Variants in KMT2D observed in about 807,000 individuals in gnomAD.
The protein encoded by KMT2D is histone-lysine N-methyltransferase 2D.
In KMT2D, 55 loss-of-function variants were observed where a neutral mutation model predicts 512.7. That is an observed-to-expected ratio of 0.11 (90% CI 0.09 to 0.13). The LOEUF (loss-of-function observed/expected upper bound fraction) is 0.13, where lower values mean the gene tolerates loss of function less well. Among genes scored for constraint, KMT2D ranks in the 10% least tolerant of loss-of-function variants. KMT2D has a pLI of 1.00. For synonymous variants in KMT2D, 2,995 were observed against 2,904.0 expected, an observed-to-expected ratio of 1.03 and a Z score of -1.01; for missense variants, 6,061 against 7,127.9, an observed-to-expected ratio of 0.85 and a Z score of 5.39.
chr12:49,032,461 G>A lies in KMT2D; in HGVS notation c.12244C>T (p.Pro4082Ser). 1.3e-6 allele frequency: 2 copies of A among 1,567,788 alleles called. No individual in the cohort carries two copies. Among genetic ancestry groups the A allele is most frequent in the East Asian group, 2.4e-5 (1 of 41,916 alleles). Reference sequence around the variant, plus strand: ...TGCAGAGAGCTGGGCTGAGGCTGGGGCTGGGGTTGGACAAGCAGGAGTTGT... The same window carrying A: ...TGCAGAGAGCTGGGCTGAGGCTGGGACTGGGGTTGGACAAGCAGGAGTTGT... Reference protein sequence around the residue: ...DSQLLLVQPQPQPQPSSLQLQ... With the variant: ...DSQLLLVQPQSQPQPSSLQLQ... The change falls in exon 40 of 55, where the codon CCC becomes TCC. Residue 4082 changes from proline (P) to serine (S), a missense_variant. Coordinates refer to ENST00000301067, the MANE Select transcript of KMT2D (RefSeq NM_003482.4).
rs1204016242 is a variant in KMT2D, at chr12:49,059,984, G to A, written c.-409C>T. On this transcript the variant is annotated 5_prime_UTR_variant, in exon 1 of 55. Transcript: ENST00000301067. ...CCAGCGCCCCGGCCGCCCGCGCCGG[G>A]CTCGGGCGGAACGTCGAGGCTCTCC... 1.3e-5 allele frequency among the ~76,000 whole-genome samples: 2 copies of A among 151,660 alleles called. No homozygotes were observed. Among genetic ancestry groups the A allele is most frequent in the African/African-American group, 4.8e-5 (2 of 41,334 alleles).
rs1447079073 is a variant in KMT2D at position 49,033,482 on chromosome 12, T to G, written c.11223A>C (p.Gln3741His). Residue 3741 changes from glutamine to histidine, a missense_variant, in exon 40 of 55, where the codon CAA becomes CAC. Coordinates refer to ENST00000301067, the MANE Select transcript of KMT2D (RefSeq NM_003482.4). The part of the protein sequence containing the change: ...AQKLQQQQQQ[Q>H]QQQQHLLGQV... ...GTCCTAGAAGGTGCTGCTGCTGCTGTTGCTGCTGCTGCTGCTGCTGCAGTT... is the reference window on the plus strand; with the variant it reads ...GTCCTAGAAGGTGCTGCTGCTGCTGGTGCTGCTGCTGCTGCTGCTGCAGTT... The G allele has an allele frequency of 6.2e-7, 1 of 1,611,326 alleles. No individual in the cohort carries two copies. The highest frequency in any genetic ancestry group is 8.5e-7 in the Non-Finnish European group (1 of 1,178,768).
At position 49,034,334 on chromosome 12, in the gene KMT2D, AG is replaced by A. The variant is rs1486565852; in HGVS notation, c.10508-36del. On this transcript the variant is annotated intron_variant, in intron 38 of 54. Coordinates refer to ENST00000301067, the MANE Select transcript of KMT2D (RefSeq NM_003482.4). ...GAAGCTGGGTGTCAGGACCTGCAAAAGGGTAATCCCAATCCCTCTTCCTCCA... is the reference window on the plus strand; with the variant it reads ...GAAGCTGGGTGTCAGGACCTGCAAAAGGTAATCCCAATCCCTCTTCCTCCA... 7 of 1,609,914 alleles carry A rather than the reference AG, an allele frequency of 4.3e-6. No individual in the cohort carries two copies. In the African/African-American group the frequency reaches 9.4e-5, roughly 22 times the overall value.
chr12:49,023,593 TTTTC>T (rs2137709177), intron 51 of KMT2D, among the ~76,000 whole-genome samples: 1 of 152,342 alleles, frequency 6.6e-6, no homozygotes, highest in Non-Finnish European at 1.5e-5. Flanking sequence ...ATCTTTGCTT[TTTTC>T]TTTAACAAAA....
At chr12:49,057,848 T>C (rs775415533) in intron 1 of KMT2D, among the ~76,000 whole-genome samples, 12 of 152,088 alleles carry the variant, frequency 7.9e-5, no homozygotes, top group Non-Finnish European at 1.8e-4. Flanking sequence ...GAACTAGAGA[T>C]CCCAGACAGT....
Position 49,044,100 on chromosome 12 carries a change from T to C in KMT2D, c.5188+100A>G, listed in dbSNP as rs1943671837. The C allele has an allele frequency of 2.5e-6, 4 of 1,587,868 alleles. No individual in the cohort carries two copies. In the South Asian group the frequency reaches 3.4e-5, roughly 13 times the overall value. On this transcript the variant is annotated intron_variant, in intron 22 of 54. Coordinates refer to ENST00000301067, the MANE Select transcript of KMT2D (RefSeq NM_003482.4). This position sits in a 1 kb window ranked among gnomAD's most constrained non-coding sequence, Gnocchi z 6.4. ...ACTCTCTCCCACAACACCAGCTGGG[T>C]CTACCACCCTCTTGGCCCTTTCAAT...
rs372735664 is a variant in KMT2D, at chr12:49,054,324, A to C, written c.493T>G (p.Phe165Val). 8.8e-6 allele frequency: 14 copies of C among 1,594,138 alleles called. No homozygotes were observed. The highest frequency in any genetic ancestry group is 1.2e-5 in the Non-Finnish European group (14 of 1,170,520). The change falls in exon 5 of 55, where the codon TTC becomes GTC. Residue 165 changes from phenylalanine (F) to valine (V), a missense_variant. By Grantham distance (50) the Phe-to-Val change is conservative. Around this residue, in one of 16 missense-constraint regions of KMT2D, gnomAD observed 160 missense variants for 225.8 expected, o/e 0.71. Transcript: ENST00000301067. This position sits in a 1 kb window ranked among gnomAD's most constrained non-coding sequence, Gnocchi z 6.4. Reference protein sequence around the residue: ...PELCGVDKAIFSGISQRCSHC... With the variant: ...PELCGVDKAIVSGISQRCSHC... Reference sequence around the variant, plus strand: ...AGCCCCACCTGTGAGATCCCTGAGAAGATGGCCTTGTCCACACCACATAGT... The same window carrying C: ...AGCCCCACCTGTGAGATCCCTGAGACGATGGCCTTGTCCACACCACATAGT...
chr12:49,048,561 G>C, intron 14 of KMT2D, 98 bp downstream of exon 14: 7 of 721,690 alleles, frequency 9.7e-6, no homozygotes, highest in South Asian at 1.7e-5. Flanking sequence ...TTTCTCATTA[G>C]CTGGGTATCC....
rs1362425126 is a variant in KMT2D, at chr12:49,038,482, T to G, written c.8874A>C (p.Pro2958=). 1 of 1,607,296 alleles carries G rather than the reference T, an allele frequency of 6.2e-7. No homozygotes were observed. The highest frequency in any genetic ancestry group is 1.1e-5 in the South Asian group (1 of 90,588). The change falls in exon 35 of 55, where the codon CCA becomes CCC. Residue 2958 remains proline, a synonymous_variant. Coordinates refer to ENST00000301067, the MANE Select transcript of KMT2D (RefSeq NM_003482.4). The surrounding 1 kb of genome is among the most constrained non-coding windows in gnomAD (Gnocchi z 5.7). ...GCCGGTTGACCAGCTCCAAACCAGT[T>G]GGCAGGGTAGGACCCTTGGTGTGGG... ...PTPHTKGPTL[P]TGLELVNRPP... is the part of the protein sequence containing the mutation.
In KMT2D at chr12:49,051,173, G is replaced by C. The variant is rs749344235; in HGVS notation, c.2510C>G (p.Ser837Cys). 1 of 1,515,278 alleles carries C rather than the reference G, an allele frequency of 6.6e-7. No individual in the cohort carries two copies. The highest frequency in any genetic ancestry group is 1.4e-5 in the African/African-American group (1 of 71,576). The allele number at this position is 1,515,278 out of a possible 1,614,324, so 93.9% of individuals were successfully genotyped here. The change falls in exon 11 of 55, where the codon TCT (serine) becomes TGT (cysteine). Residue 837 changes from serine (S) to cysteine (C), a missense_variant. Physicochemically the swap from Ser to Cys is moderately radical, Grantham distance 112. Coordinates refer to ENST00000301067, the MANE Select transcript of KMT2D (RefSeq NM_003482.4). ...CCGGGGGGACAGGCATGGCTCCTCAGACTGGGGGGACAGGTGTGATTCCTC... is the reference window on the plus strand; with the variant it reads ...CCGGGGGGACAGGCATGGCTCCTCACACTGGGGGGACAGGTGTGATTCCTC... ...QPEESHLSPQ[S>C]EEPCLSPRPE...
chr12:49,024,225 G>C lies in KMT2D; in HGVS notation c.16052+353C>G, dbSNP rs1394797697. 3 of 406,916 alleles carry C rather than the reference G, an allele frequency of 7.4e-6. No individual in the cohort carries two copies. The highest frequency in any genetic ancestry group is 1.4e-5 in the Non-Finnish European group (3 of 217,278). The allele number at this position is 406,916 out of a possible 1,614,324, so 25.2% of individuals were successfully genotyped here. ...AAGGGAAGGTGACCCTAGCACCCAT[G>C]GGGTATCTGAGGTTTGGGAGAATCA... On this transcript the variant is annotated intron_variant, in intron 51 of 54. Transcript: ENST00000301067. The surrounding 1 kb of genome is among the most constrained non-coding windows in gnomAD (Gnocchi z 4.5).
rs1943008248 is a variant in KMT2D, at chr12:49,032,886, A to G, written c.11819T>C (p.Leu3940Pro). The G allele has an allele frequency of 6.5e-7, 1 of 1,548,146 alleles. No individual in the cohort carries two copies. Among genetic ancestry groups the G allele is most frequent in the African/African-American group, 1.4e-5 (1 of 72,222 alleles). The change falls in exon 40 of 55, where the codon CTT (leucine) becomes CCT (proline). Residue 3940 changes from leucine to proline, a missense_variant. Physicochemically the swap from Leu to Pro is moderately conservative, Grantham distance 98. Transcript: ENST00000301067. ...AAGCTGTTGCTGCTGCTGTTGTTGA[A>G]GCTGCTGCTGCTGTTGCTGCTGTTG... ...QLQQQQQQQQ[L>P]QQQQQQQLQQ...
rs2120649385 is a variant in KMT2D at position 49,050,364 on chromosome 12, G to C, written c.3224C>G (p.Thr1075Ser). ...GCATTCAGGTTCTGAAACTTTCTCA[G>C]TCTCCATCTCGTGCAGCTCAGCCTC... Reference protein sequence around the residue: ...SDEAELHEMETEKVSEPECPA... With the variant: ...SDEAELHEMESEKVSEPECPA... Residue 1075 changes from threonine to serine, a missense_variant, in exon 12 of 55, where the codon ACT becomes AGT. Physicochemically the swap from Thr to Ser is moderately conservative, Grantham distance 58 (BLOSUM62 1). Coordinates refer to ENST00000301067, the MANE Select transcript of KMT2D (RefSeq NM_003482.4). 6.2e-7 allele frequency: 1 copy of C among 1,612,212 alleles called. No homozygotes were observed. The highest frequency in any genetic ancestry group is 8.5e-7 in the Non-Finnish European group (1 of 1,179,064).
chr12:49,030,834 G>A (rs1298437901), intron 41 of KMT2D, 59 bp downstream of exon 41: 3 of 1,611,926 alleles, frequency 1.9e-6, no homozygotes, highest in Non-Finnish European at 2.5e-6. Context: ...GCACAGCTGG[G>A]GGACAGGGTG....
rs1318141529 is a variant in KMT2D, at chr12:49,051,270, G to A, written c.2413C>T (p.His805Tyr). 6.5e-7 allele frequency: 1 copy of A among 1,548,336 alleles called. No homozygotes were observed. Residue 805 changes from histidine (H) to tyrosine (Y), a missense_variant, in exon 11 of 55, where the codon CAC becomes TAC. By Grantham distance (83) the His-to-Tyr change is moderately conservative. Coordinates refer to ENST00000301067, the MANE Select transcript of KMT2D (RefSeq NM_003482.4). ...GGCTCCTCAGTCTGGGGGGACAGGT[G>A]CAATTCCTCAGGCTGAGGGGACAGA... Reference protein sequence around the residue: ...PHLSPQPEELHLSPQTEEPHL... With the variant: ...PHLSPQPEELYLSPQTEEPHL...
intron 48 of KMT2D, 63 bp from the exon 49 acceptor site, chr12:49,027,385 C>T (rs1942655337): frequency 1.5e-6 from 2 of 1,358,680 alleles, no homozygotes; most frequent in Middle Eastern, 5.3e-4. Context: ...CCTCCTTCCC[C>T]TCACCCATAT....
chr12:49,031,935 AGGAGGCCCT>A lies in KMT2D; in HGVS notation c.12761_12769del (p.Gln4254_Leu4256del). ...GCCCCCAAGTTGAGGTTGGCAGCCC[AGGAGGCCCT>A]GGAGGGGAGAGGTCTGGGTCCCAGG... is the stretch of plus-strand genomic sequence containing the variant. On this transcript the variant is annotated inframe_deletion, in exon 40 of 55. Transcript: ENST00000301067. 6.5e-7 allele frequency: 1 copy of A among 1,542,364 alleles called. No homozygotes were observed. Among genetic ancestry groups the A allele is most frequent in the African/African-American group, 1.4e-5 (1 of 72,698 alleles).
At position 49,037,752 on chromosome 12, in the gene KMT2D, T is replaced by G. The variant is rs1044968188; in HGVS notation, c.9604A>C (p.Ser3202Arg). 3.8e-6 allele frequency: 6 copies of G among 1,590,838 alleles called. No individual in the cohort carries two copies. The highest frequency in any genetic ancestry group is 5.1e-6 in the Non-Finnish European group (6 of 1,168,434). Reference protein sequence around the residue: ...PAHLLTPSPLSGPGGSSLLEK... With the variant: ...PAHLLTPSPLRGPGGSSLLEK... ...AGCAGGGAGGATCCTCCTGGGCCAC[T>G]CAGTGGGCTGGGGGTCAGCAGGTGA... The change falls in exon 35 of 55, where the codon AGT becomes CGT. Residue 3202 changes from serine (S) to arginine (R), a missense_variant. Coordinates refer to ENST00000301067, the MANE Select transcript of KMT2D (RefSeq NM_003482.4).
rs937443758 is a variant in KMT2D, at chr12:49,051,367, G to C, written c.2316C>G (p.Pro772=). Residue 772 remains proline, a synonymous_variant, in exon 11 of 55, where the codon CCC becomes CCG. Transcript: ENST00000301067. ...SPQAEEPHLS[P]QPEEPCLCAV... is the part of the protein sequence containing the mutation. ...CGCATAGGCATGGCTCCTCAGGCTG[G>C]GGGGACAGGTGTGGCTCCTCAGCCT... is the stretch of plus-strand genomic sequence containing the variant. 3.1e-6 allele frequency: 5 copies of C among 1,604,930 alleles called. No homozygotes were observed. The highest frequency in any genetic ancestry group is 2.8e-5 in the African/African-American group (2 of 72,638).
Sources: allele counts gnomAD v4.1 joint callset (sites outside exome capture counted in the v4.1 genomes callset), GRCh38; gene constraint gnomAD v4.1.1; regional missense constraint gnomAD v4.1.1; non-coding constraint Gnocchi (gnomAD v3.1); transcripts MANE v1.5; gene names NCBI Gene and HGNC (gene_info 2026-07-23, HGNC 2026-07-21).